LIPI: variants seen among roughly 807,000 people sequenced by gnomAD.
LIPI encodes the protein lipase member I.
Under a neutral mutation model 50.6 loss-of-function variants are expected in LIPI, and 59 were observed. The observed-to-expected ratio is 1.16, with a 90% CI of 0.94 to 1.45. The LOEUF (loss-of-function observed/expected upper bound fraction) is 1.45, where lower values mean the gene tolerates loss of function less well. Among genes scored for constraint, LIPI ranks in the 40% most tolerant of loss-of-function variants. LIPI has a pLI of 0.00. For synonymous variants in LIPI, 203 were observed against 178.2 expected (o/e 1.14, Z -1.11); for missense variants, 586 against 536.3 (o/e 1.09, Z -0.92).
chr21:14,193,094 A>G (rs1311700925), intron 1 of LIPI, among the ~76,000 whole-genome samples: 1 of 152,168 alleles, frequency 6.6e-6, no homozygotes, highest in African/African-American at 2.4e-5. Flanking sequence ...TCATCGGTAA[A>G]ATTAAGTAGG....
intron 7 of LIPI, among the ~76,000 whole-genome samples, chr21:14,158,203 T>C (rs956337472): frequency 2.6e-5 from 4 of 151,758 alleles, no homozygotes; most frequent in African/African-American, 9.7e-5. Flanking sequence ...GATCAATGCT[T>C]GACTACTAAA....
intron 2 of LIPI, among the ~76,000 whole-genome samples, chr21:14,187,467 C>T (rs1013082701): frequency 9.2e-5 from 14 of 152,142 alleles, no homozygotes; most frequent in Admixed American, 5.9e-4. Flanking sequence ...CCAGTGCTGC[C>T]GGTCATTTAA....
chr21:14,182,883 G>T (rs1183312401), intron 3 of LIPI, among the ~76,000 whole-genome samples: 2 of 152,090 alleles, frequency 1.3e-5, no homozygotes, highest in Non-Finnish European at 2.9e-5. Context: ...TGGGTAGGAA[G>T]AATCAATATA....
intron 4 of LIPI, among the ~76,000 whole-genome samples, chr21:14,170,308 C>T (rs1230923970): frequency 2.0e-5 from 3 of 152,168 alleles, no homozygotes; most frequent in Non-Finnish European, 2.9e-5. Flanking sequence ...GGTACCATTC[C>T]TTCTGAAACT....
At chr21:14,140,993 T>C (rs192165729) in intron 9 of LIPI, among the ~76,000 whole-genome samples, 198 of 152,312 alleles carry the variant, frequency 1.3e-3, no homozygotes, top group African/African-American at 4.6e-3. Context: ...TTGAATCTTC[T>C]ACTCCGTTGA....
chr21:14,198,886 G>T (rs1431301120), intron 1 of LIPI, among the ~76,000 whole-genome samples: 2 of 151,758 alleles, frequency 1.3e-5, no homozygotes, highest in African/African-American at 4.8e-5. Context: ...CAAAACAAAA[G>T]AAATGAAATC....
intron 8 of LIPI, among the ~76,000 whole-genome samples, chr21:14,146,770 C>CTTTTTTTT (rs1308738575): frequency 1.9e-4 from 12 of 64,858 alleles, no homozygotes; most frequent in South Asian, 4.3e-4. Context: ...TTCCCAGTCT[C>CTTTTTTTT]TATTTTTTTT....
chr21:14,134,441 A>G (rs2123014133), intron 9 of LIPI, among the ~76,000 whole-genome samples: 1 of 152,270 alleles, frequency 6.6e-6, no homozygotes, highest in Non-Finnish European at 1.5e-5. Context: ...TAGAAAAAAA[A>G]TCTAAAATTC....
At position 14,166,378 on chromosome 21, in the gene LIPI, A is replaced by G. The variant is rs749132522; in HGVS notation, c.717T>C (p.Pro239=). 2.5e-6 allele frequency: 4 copies of G among 1,589,502 alleles called. No individual in the cohort carries two copies. In the South Asian group the frequency reaches 4.4e-5, roughly 18 times the overall value. The stretch of plus-strand genomic sequence containing the variant: ...TCAGTATACCTGAGAAAATTGATTT[A>G]GGACAGCCAGGTTGTTTATTTCCTC... ...PNGGNKQPGC[P]KSIFSGIQFI... The change falls in exon 5 of 10, where the codon CCT becomes CCC. Residue 239 remains proline (P), a synonymous_variant. Transcript: ENST00000681601.
chr21:14,203,774 A>G (rs2020143075), intron 1 of LIPI, among the ~76,000 whole-genome samples: 2 of 152,000 alleles, frequency 1.3e-5, no homozygotes, highest in Admixed American at 6.6e-5. Flanking sequence ...TGGGTGCAGC[A>G]CACCAACATG....
chr21:14,120,240 A>G (rs948172921), intron 9 of LIPI, among the ~76,000 whole-genome samples: 9 of 152,174 alleles, frequency 5.9e-5, no homozygotes, highest in African/African-American at 1.4e-4. Flanking sequence ...AAAAGGCCAG[A>G]TTTGCCATAG....
At chr21:14,184,258 T>C (rs906560596) in intron 3 of LIPI, among the ~76,000 whole-genome samples, 8 of 151,784 alleles carry the variant, frequency 5.3e-5, no homozygotes, top group African/African-American at 1.7e-4. Flanking sequence ...TTCTCACTCA[T>C]AGGTGGGAAT....
At chr21:14,191,937 C>G (rs1384052537) in intron 1 of LIPI, among the ~76,000 whole-genome samples, 1 of 152,106 alleles carries the variant, frequency 6.6e-6, no homozygotes, top group Non-Finnish European at 1.5e-5. Context: ...TCTAGTCACC[C>G]CAGCTGACTG....
rs1324998843 is a variant in LIPI, at chr21:14,109,045, T to C, written c.1331A>G (p.Asp444Gly). The change falls in exon 10 of 10, where the codon GAC (aspartate) becomes GGC (glycine). Residue 444 changes from aspartate to glycine, a missense_variant. Coordinates refer to ENST00000681601, the MANE Select transcript of LIPI (RefSeq NM_001302998.2). ...PLCRYNIVLK[D>G]REEVFLNPNT... ...TGGATTAAGAAACACTTCCTCTCTG[T>C]CTTTAAGTACAATATTATACCTGCA... 2.5e-6 allele frequency: 4 copies of C among 1,597,128 alleles called. No individual in the cohort carries two copies. In the South Asian group the frequency reaches 4.4e-5, roughly 18 times the overall value.
intron 1 of LIPI, among the ~76,000 whole-genome samples, chr21:14,207,914 C>T (rs1177655579): frequency 6.6e-6 from 1 of 152,184 alleles, no homozygotes; most frequent in East Asian, 1.9e-4. Flanking sequence ...CAGCTATTAA[C>T]TGCATGTAGA....
intron 1 of LIPI, among the ~76,000 whole-genome samples, chr21:14,204,413 T>C (rs1036094972): frequency 6.6e-6 from 1 of 151,962 alleles, no homozygotes; most frequent in Non-Finnish European, 1.5e-5. Context: ...AGTACTGAAA[T>C]ACACCATGAT....
chr21:14,151,892 G>T (rs1231583528), intron 8 of LIPI, among the ~76,000 whole-genome samples: 2 of 151,838 alleles, frequency 1.3e-5, no homozygotes, highest in African/African-American at 2.4e-5. Flanking sequence ...CCTTGTAGGT[G>T]GGAATAGTTC....
At position 14,152,601 on chromosome 21, in the gene LIPI, C is replaced by T; in HGVS notation, c.1090G>A (p.Gly364Arg). 1 of 1,583,088 alleles carries T rather than the reference C, an allele frequency of 6.3e-7. No individual in the cohort carries two copies. Among genetic ancestry groups the T allele is most frequent in the Non-Finnish European group, 8.7e-7 (1 of 1,153,516 alleles). Residue 364 changes from glycine to arginine, a missense_variant, in exon 8 of 10, where the codon GGA becomes AGA. Physicochemically the swap from Gly to Arg is moderately radical, Grantham distance 125. Coordinates refer to ENST00000681601, the MANE Select transcript of LIPI (RefSeq NM_001302998.2). ...TAAAGCCTTGGCTCTTCAATCATTC[C>T]AAGCTGATTTAATAATTTAAATGAA... ...SFSFKLLNQL[G>R]MIEEPRLYEK...
At chr21:14,163,573 A>G (rs1423515130) in intron 6 of LIPI, 50 bp from the exon 7 acceptor site, 2 of 874,250 alleles carry the variant, frequency 2.3e-6, no homozygotes, top group Non-Finnish European at 4.0e-6. Context: ...ATCAAATAAC[A>G]AAAATGTCAA....
Sources: allele counts gnomAD v4.1 joint callset (sites outside exome capture counted in the v4.1 genomes callset), GRCh38; gene constraint gnomAD v4.1.1; transcripts MANE v1.5; gene names NCBI Gene and HGNC (gene_info 2026-07-23, HGNC 2026-07-21).